The following TSNAX variants were observed in gnomAD, a reference collection of about 807,000 sequenced individuals.
TSNAX encodes translin-associated protein X.
TSNAX carries 12 observed loss-of-function variants against 33.0 expected under a neutral mutation model. That is an observed-to-expected ratio of 0.36 (90% confidence interval 0.23 to 0.59). The LOEUF is 0.59. Among genes scored for constraint, TSNAX ranks in the 20% least tolerant of loss-of-function variants. The pLI is 0.74. For synonymous variants in TSNAX, 110 were observed against 117.2 expected, an observed-to-expected ratio of 0.94 and a Z score of 0.40; for missense variants, 267 against 341.3, an observed-to-expected ratio of 0.78 and a Z score of 1.72.
intron 4 of TSNAX, among the ~76,000 whole-genome samples, chr1:231,553,915 A>G (rs993788284): frequency 6.6e-6 from 1 of 151,842 alleles, no homozygotes; most frequent in African/African-American, 2.4e-5. Context: ...CGAACTCCCA[A>G]CCTCAGGTGA....
chr1:231,563,769 G>C (rs1345385268), intron 5 of TSNAX: 1 of 152,034 alleles, frequency 6.6e-6, no homozygotes. Context: ...AAAGTGAAGA[G>C]GTTTGGGATT....
intron 2 of TSNAX, chr1:231,535,585 A>C: frequency 6.6e-6 from 1 of 152,216 alleles, no homozygotes; most frequent in Non-Finnish European, 1.5e-5. Context: ...TTCGAGACTA[A>C]AACAAATTAA....
chr1:231,564,448 T>A (rs1032558805), intron 5 of TSNAX, 80 bp from the exon 6 acceptor site: 5 of 1,519,802 alleles, frequency 3.3e-6, no homozygotes, highest in Non-Finnish European at 4.4e-6. Context: ...ATGTGATACA[T>A]GCTATATTCA....
chr1:231,540,284 A>C (rs1659490731), intron 3 of TSNAX, among the ~76,000 whole-genome samples: 1 of 151,928 alleles, frequency 6.6e-6, no homozygotes, highest in African/African-American at 2.4e-5. Context: ...AAATTATTTT[A>C]ATAGACATAG....
chr1:231,545,595 T>G (rs1019341342), intron 4 of TSNAX, among the ~76,000 whole-genome samples: 1 of 152,088 alleles, frequency 6.6e-6, no homozygotes, highest in Non-Finnish European at 1.5e-5. Context: ...TTGGGGGAAA[T>G]GTCCTCCATT....
At chr1:231,560,169 T>C (rs1345123920) in intron 4 of TSNAX, among the ~76,000 whole-genome samples, 3 of 150,408 alleles carry the variant, frequency 2.0e-5, no homozygotes, top group Non-Finnish European at 4.4e-5. Context: ...TTAGTAGAAA[T>C]GTGGTTTCAC....
In TSNAX at chr1:231,549,352, G is replaced by A. The variant is rs149691949; in HGVS notation, c.367+6741G>A. Among the ~76,000 whole-genome samples, 396 of 152,200 alleles carry A rather than the reference G, an allele frequency of 2.6e-3. 1 individual carries two copies. The highest frequency in any genetic ancestry group is 9.1e-3 in the African/African-American group (377 of 41,518). Reference sequence around the variant, plus strand: ...GGAGAATTGCTTGAACCCAGGAGGCGGAGGTTGCAATGAGCCGAGATTGCA... The same window carrying A: ...GGAGAATTGCTTGAACCCAGGAGGCAGAGGTTGCAATGAGCCGAGATTGCA... On this transcript the variant is annotated intron_variant, in intron 4 of 5. Transcript: ENST00000366639.
chr1:231,554,686 T>G (rs1337508796), intron 4 of TSNAX: 1 of 151,978 alleles, frequency 6.6e-6, no homozygotes, highest in Admixed American at 6.6e-5. Context: ...AAGTATATAG[T>G]GTGTTTGGAA....
In TSNAX at chr1:231,566,147, T is replaced by C. The variant is rs1051298615; in HGVS notation, c.*1242T>C. On this transcript the variant is annotated 3_prime_UTR_variant, in exon 6 of 6. Coordinates refer to ENST00000366639, the MANE Select transcript of TSNAX (RefSeq NM_005999.3). ...TCTAGCATTTACTTTTAAATAATTA[T>C]AATGAAGTTTTGAAATACTAAGTTA... is the stretch of plus-strand genomic sequence containing the variant. 3.3e-5 allele frequency: 5 copies of C among 152,646 alleles called. No homozygotes were observed. The highest frequency in any genetic ancestry group is 7.3e-5 in the Non-Finnish European group (5 of 68,030). 9.5% of individuals were successfully genotyped at this position (152,646 alleles called of 1,614,324 possible).
intron 2 of TSNAX, among the ~76,000 whole-genome samples, chr1:231,532,297 T>A (rs1658813106): frequency 6.6e-6 from 1 of 151,220 alleles, no homozygotes; most frequent in Non-Finnish European, 1.5e-5. Flanking sequence ...GCTCAAGTGA[T>A]CCTCCCACCT....
In TSNAX at chr1:231,566,212, C is replaced by T. The variant is rs537667698; in HGVS notation, c.*1307C>T. ...TTGTCCCATGGTGTTAATAAAGTTG[C>T]CAAAGAAGATGTATTATGAACAATT... On this transcript the variant is annotated 3_prime_UTR_variant, in exon 6 of 6. Coordinates refer to ENST00000366639, the MANE Select transcript of TSNAX (RefSeq NM_005999.3). The T allele has an allele frequency of 2.6e-5, 4 of 152,328 alleles. No homozygotes were observed. In the East Asian group the frequency reaches 5.8e-4, roughly 22 times the overall value. 9.4% of individuals were successfully genotyped at this position (152,328 alleles called of 1,614,324 possible).
intron 1 of TSNAX, 71 bp from the exon 2 acceptor site, chr1:231,529,184 G>A: frequency 4.0e-6 from 6 of 1,491,982 alleles, no homozygotes; most frequent in Non-Finnish European, 5.6e-6. Flanking sequence ...CAAGGAGTAG[G>A]TTTGTCTATG....
At chr1:231,560,806 C>A (rs963634886) in intron 4 of TSNAX, among the ~76,000 whole-genome samples, 1 of 151,862 alleles carries the variant, frequency 6.6e-6, no homozygotes, top group African/African-American at 2.4e-5. Context: ...ATTACAGGCG[C>A]CCGCCACCAT....
chr1:231,557,946 A>G (rs1320802888), intron 4 of TSNAX, among the ~76,000 whole-genome samples: 2 of 152,170 alleles, frequency 1.3e-5, no homozygotes, highest in Non-Finnish European at 2.9e-5. Context: ...ATAGGGGATT[A>G]TAAGAGTAAA....
At chr1:231,553,681 C>T (rs1199605787) in intron 4 of TSNAX, among the ~76,000 whole-genome samples, 2 of 130,596 alleles carry the variant, frequency 1.5e-5, no homozygotes, top group Admixed American at 8.2e-5. Context: ...TTCTTTCTTT[C>T]CTTTTTTTTT....
chr1:231,529,586 G>A (rs760201790), intron 2 of TSNAX, among the ~76,000 whole-genome samples: 1 of 152,118 alleles, frequency 6.6e-6, no homozygotes, highest in Non-Finnish European at 1.5e-5. Flanking sequence ...ACAAGAAACA[G>A]TAAACATTAA....
At chr1:231,541,529 T>C (rs1297813839) in intron 3 of TSNAX, among the ~76,000 whole-genome samples, 1 of 152,242 alleles carries the variant, frequency 6.6e-6, no homozygotes, top group African/African-American at 2.4e-5. Flanking sequence ...ATGTTATTTC[T>C]ACTTTTGTTG....
chr1:231,550,105 A>G (rs1187938649), intron 4 of TSNAX, among the ~76,000 whole-genome samples: 4 of 152,202 alleles, frequency 2.6e-5, no homozygotes, highest in African/African-American at 4.8e-5. Context: ...GTACACCTCA[A>G]TGGACTAATT....
In TSNAX at chr1:231,537,268, T is replaced by G; in HGVS notation, c.177T>G (p.Leu59=). 6.2e-7 allele frequency: 1 copy of G among 1,613,844 alleles called. No individual in the cohort carries two copies. The highest frequency in any genetic ancestry group is 1.1e-5 in the South Asian group (1 of 91,028). The change falls in exon 3 of 6, where the codon CTT becomes CTG. Residue 59 remains leucine, a synonymous_variant. Transcript: ENST00000366639. The stretch of plus-strand genomic sequence containing the variant: ...ACAAATATGAGAGACTTGTGAAACT[T>G]AGTCGGGATATAACTGTTGAAAGTA... ...RHDKYERLVK[L]SRDITVESKR...
Sources: allele counts gnomAD v4.1 joint callset (sites outside exome capture counted in the v4.1 genomes callset), GRCh38; gene constraint gnomAD v4.1.1; transcripts MANE v1.5; gene names NCBI Gene and HGNC (gene_info 2026-07-23, HGNC 2026-07-21).